Variants in SPECC1L observed in about 807,000 individuals in gnomAD.
The protein encoded by SPECC1L is cytospin-A.
In SPECC1L, 40 loss-of-function variants were observed where a neutral mutation model predicts 116.8. The observed-to-expected ratio is 0.34, with a 90% CI of 0.27 to 0.45. SPECC1L has a LOEUF of 0.45. SPECC1L is among the 20% of genes least tolerant of loss of function. The pLI is 1.00. For missense variants in SPECC1L, 1,110 were observed against 1,373.6 expected (o/e 0.81, Z 3.03); for synonymous variants, 504 against 500.6 (o/e 1.01, Z -0.09).
Position 24,324,252 on chromosome 22 carries a change from A to G in SPECC1L, c.1971A>G (p.Glu657=), listed in dbSNP as rs754800303. Residue 657 remains glutamate, a synonymous_variant, in exon 6 of 17, where the codon GAA becomes GAG. Coordinates refer to ENST00000314328, the MANE Select transcript of SPECC1L (RefSeq NM_015330.6). ...VEDEYRAFQE[E]AKKQIEDLNM... ...ATGAATACCGAGCCTTCCAAGAAGA[A>G]GCTAAGAAACAAATTGAAGATTTGA... 3.7e-6 allele frequency: 6 copies of G among 1,614,060 alleles called. 1 individual carries two copies. The South Asian group carries it at 6.6e-5, about 18-fold the overall frequency.
At chr22:24,299,712 TA>T (rs977068914) in intron 2 of SPECC1L, among the ~76,000 whole-genome samples, 2 of 152,052 alleles carry the variant, frequency 1.3e-5, no homozygotes, top group African/African-American at 4.8e-5. Context: ...GTTTTTTTTT[TA>T]ATTTTAGCTC....
intron 1 of SPECC1L, among the ~76,000 whole-genome samples, chr22:24,272,941 C>T (rs1374134374): frequency 6.6e-6 from 1 of 152,010 alleles, no homozygotes; most frequent in African/African-American, 2.4e-5. Flanking sequence ...TTGACATTTT[C>T]AGTAAGAAAG....
chr22:24,308,506 A>G (rs918469090), intron 3 of SPECC1L, among the ~76,000 whole-genome samples: 1 of 152,250 alleles, frequency 6.6e-6, no homozygotes, highest in Non-Finnish European at 1.5e-5. Context: ...ACAGAAGTGT[A>G]TGGAAACAGA....
At chr22:24,375,330 C>T (rs1292422169) in intron 14 of SPECC1L, among the ~76,000 whole-genome samples, 2 of 152,020 alleles carry the variant, frequency 1.3e-5, no homozygotes, top group Non-Finnish European at 2.9e-5. Flanking sequence ...TCTGTGAGGC[C>T]ATCATTACTC....
chr22:24,372,294 C>G (rs1283376334), intron 14 of SPECC1L, among the ~76,000 whole-genome samples: 1 of 152,166 alleles, frequency 6.6e-6, no homozygotes, highest in Non-Finnish European at 1.5e-5. Flanking sequence ...AGGCCAGCAT[C>G]ATCCTGATAC....
At chr22:24,319,027 C>G (rs2040663926) in intron 4 of SPECC1L, among the ~76,000 whole-genome samples, 3 of 152,078 alleles carry the variant, frequency 2.0e-5, no homozygotes, top group African/African-American at 4.8e-5. Context: ...GATTTCTTGC[C>G]TCTTCTCTGT....
intron 11 of SPECC1L, among the ~76,000 whole-genome samples, chr22:24,348,231 C>T (rs369582873): frequency 7.2e-4 from 110 of 152,226 alleles, no homozygotes; most frequent in African/African-American, 2.5e-3. Flanking sequence ...TACTTCCATG[C>T]GTCAGGAATT....
intron 8 of SPECC1L, among the ~76,000 whole-genome samples, chr22:24,331,454 G>A (rs1007128845): frequency 2.0e-5 from 3 of 152,084 alleles, no homozygotes; most frequent in Non-Finnish European, 2.9e-5. Flanking sequence ...ATTATTAAAC[G>A]AATAACATAT....
chr22:24,396,610 A>C (rs530258806), intron 14 of SPECC1L, among the ~76,000 whole-genome samples: 2 of 152,322 alleles, frequency 1.3e-5, no homozygotes, highest in African/African-American at 4.8e-5. Context: ...AGAACTTTCA[A>C]GATTATTTCT....
At chr22:24,334,885 C>T (rs1478651133) in intron 9 of SPECC1L, among the ~76,000 whole-genome samples, 1 of 152,180 alleles carries the variant, frequency 6.6e-6, no homozygotes, top group African/African-American at 2.4e-5. Context: ...AGATGTATAA[C>T]TTTAGCTCTT....
At chr22:24,291,840 G>A (rs1434058049) in intron 2 of SPECC1L, among the ~76,000 whole-genome samples, 2 of 152,162 alleles carry the variant, frequency 1.3e-5, no homozygotes, top group Admixed American at 6.5e-5. Context: ...TTGATCATAC[G>A]TGGTTGGGCA....
intron 14 of SPECC1L, among the ~76,000 whole-genome samples, chr22:24,382,440 C>T (rs2042079048): frequency 1.3e-5 from 2 of 152,052 alleles, no homozygotes; most frequent in South Asian, 4.2e-4. Context: ...CGCGGTGGCT[C>T]CCGCCTGTAA....
At chr22:24,369,000 A>AT (rs2041825240) in intron 13 of SPECC1L, among the ~76,000 whole-genome samples, 1 of 152,178 alleles carries the variant, frequency 6.6e-6, no homozygotes, top group Non-Finnish European at 1.5e-5. Context: ...CATGTGGGTG[A>AT]TTTTTATAGA....
chr22:24,369,154 A>C (rs1048610949), intron 13 of SPECC1L, 64 bp from the exon 14 acceptor site: 30 of 1,173,522 alleles, frequency 2.6e-5, no homozygotes, highest in Non-Finnish European at 3.7e-5. Context: ...GCAAACTTTA[A>C]TACTTTTCTC....
chr22:24,355,434 T>G (rs2041512232), intron 11 of SPECC1L, among the ~76,000 whole-genome samples: 1 of 152,134 alleles, frequency 6.6e-6, no homozygotes, highest in African/African-American at 2.4e-5. Flanking sequence ...ATCCTGTCTG[T>G]CTGTCTGTCT....
intron 2 of SPECC1L, among the ~76,000 whole-genome samples, chr22:24,281,573 T>A (rs115621682): frequency 0.014 from 2,190 of 152,356 alleles, 61 homozygotes; most frequent in African/African-American, 0.05. Context: ...TATATTTTGA[T>A]ACTGTGAATT....
intron 10 of SPECC1L, among the ~76,000 whole-genome samples, chr22:24,341,875 A>T (rs1260713158): frequency 6.6e-6 from 1 of 152,224 alleles, no homozygotes; most frequent in Non-Finnish European, 1.5e-5. Flanking sequence ...GAAGTGTGGG[A>T]ACAGATCTTC....
chr22:24,285,295 A>G (rs1343300897), intron 2 of SPECC1L, among the ~76,000 whole-genome samples: 2 of 152,200 alleles, frequency 1.3e-5, no homozygotes, highest in Non-Finnish European at 2.9e-5. Flanking sequence ...ATGGATGCTT[A>G]CTGTAATTCT....
At chr22:24,271,208 C>T (rs1358161346) in intron 1 of SPECC1L, among the ~76,000 whole-genome samples, 1 of 152,258 alleles carries the variant, frequency 6.6e-6, no homozygotes, top group Non-Finnish European at 1.5e-5. Flanking sequence ...CCGCAGGCTT[C>T]GCCGCCGAGA....
Sources: allele counts gnomAD v4.1 joint callset (sites outside exome capture counted in the v4.1 genomes callset), GRCh38; gene constraint gnomAD v4.1.1; transcripts MANE v1.5; gene names NCBI Gene and HGNC (gene_info 2026-07-23, HGNC 2026-07-21).